Variants in ARHGAP10 observed in about 807,000 individuals in gnomAD.
The protein encoded by ARHGAP10 is rho GTPase-activating protein 10.
Under a neutral mutation model 108.6 loss-of-function variants are expected in ARHGAP10, and 87 were observed. The observed-to-expected ratio is 0.80, with a 90% CI of 0.67 to 0.96. The LOEUF (loss-of-function observed/expected upper bound fraction) is 0.96, where lower values mean the gene tolerates loss of function less well. Among genes scored for constraint, ARHGAP10 ranks in the 40% least tolerant of loss-of-function variants. The probability of loss-of-function intolerance (pLI) is 0.00; values close to 1 mark genes in which losing one functional copy is unlikely to be tolerated. For synonymous variants in ARHGAP10, 347 were observed against 341.1 expected (o/e 1.02, Z -0.19); for missense variants, 939 against 954.5 (o/e 0.98, Z 0.21).
chr4:148,025,610 T>G (rs1459965973), intron 19 of ARHGAP10, among the ~76,000 whole-genome samples: 8 of 151,592 alleles, frequency 5.3e-5, no homozygotes, highest in Non-Finnish European at 2.9e-5. Flanking sequence ...AAAAGAAAAG[T>G]GAATACATTT....
intron 4 of ARHGAP10, among the ~76,000 whole-genome samples, chr4:147,856,064 A>G (rs1296377828): frequency 6.6e-6 from 1 of 152,194 alleles, no homozygotes; most frequent in African/African-American, 2.4e-5. Context: ...GGAGAATTTG[A>G]AATTAATGGA....
At chr4:148,071,386 C>G (rs1730169224) in intron 22 of ARHGAP10, among the ~76,000 whole-genome samples, 1 of 152,164 alleles carries the variant, frequency 6.6e-6, no homozygotes, top group Non-Finnish European at 1.5e-5. Flanking sequence ...GGGGCCAAGG[C>G]GAGTGGATCA....
At chr4:147,998,864 T>C (rs1404757005) in intron 18 of ARHGAP10, among the ~76,000 whole-genome samples, 1 of 152,260 alleles carries the variant, frequency 6.6e-6, no homozygotes, top group Non-Finnish European at 1.5e-5. Context: ...TGTTTAATTG[T>C]TGAAATGTTT....
chr4:147,800,903 G>A (rs758894582), intron 1 of ARHGAP10, among the ~76,000 whole-genome samples: 29 of 152,230 alleles, frequency 1.9e-4, no homozygotes, highest in Admixed American at 6.5e-4. Flanking sequence ...CCCACGCCTC[G>A]TGGGATTAAG....
chr4:147,839,138 A>ATCTGTCTGTCTGTCTGTCTG (rs1287362860), intron 3 of ARHGAP10, among the ~76,000 whole-genome samples: 1 of 128,104 alleles, frequency 7.8e-6, no homozygotes, highest in African/African-American at 2.9e-5. Context: ...CTATCTATCT[A>ATCTGTCTGTCTGTCTGTCTG]TCTATCTGTC....
intron 19 of ARHGAP10, among the ~76,000 whole-genome samples, chr4:148,041,114 A>C (rs923244728): frequency 6.6e-5 from 10 of 152,228 alleles, no homozygotes; most frequent in African/African-American, 2.4e-4. Context: ...CTAATATATT[A>C]GATCTTTTCT....
intron 18 of ARHGAP10, among the ~76,000 whole-genome samples, chr4:148,000,570 C>T (rs1740674693): frequency 6.6e-6 from 1 of 152,184 alleles, no homozygotes; most frequent in Admixed American, 6.5e-5. Context: ...TATTTCTCCA[C>T]CTTCTCTGCA....
At chr4:147,737,217 C>T (rs1475463778) in intron 1 of ARHGAP10, among the ~76,000 whole-genome samples, 2 of 152,132 alleles carry the variant, frequency 1.3e-5, no homozygotes, top group Non-Finnish European at 2.9e-5. Flanking sequence ...GTGGTGCAAT[C>T]TTGGCTCAGG....
At chr4:147,906,785 G>A (rs2126910210) in intron 11 of ARHGAP10, 66 bp downstream of exon 11, 1 of 1,577,412 alleles carries the variant, frequency 6.3e-7, no homozygotes, top group Non-Finnish European at 8.7e-7. Context: ...TCATTTTTAT[G>A]TTATTTTTGT....
intron 18 of ARHGAP10, among the ~76,000 whole-genome samples, chr4:147,990,949 G>A (rs1039553207): frequency 6.6e-6 from 1 of 152,008 alleles, no homozygotes; most frequent in Non-Finnish European, 1.5e-5. Context: ...CCAGGAGGTC[G>A]AGGCTGCAGT....
chr4:147,986,633 A>G (rs1267366233), intron 18 of ARHGAP10, among the ~76,000 whole-genome samples: 1 of 152,170 alleles, frequency 6.6e-6, no homozygotes, highest in East Asian at 1.9e-4. Context: ...AGACAGTGTC[A>G]GGCCTCTCTG....
At chr4:147,839,042 T>G (rs566129476) in intron 3 of ARHGAP10, among the ~76,000 whole-genome samples, 2 of 152,308 alleles carry the variant, frequency 1.3e-5, no homozygotes, top group African/African-American at 2.4e-5. Context: ...GTTCTTTTTT[T>G]TCCTAACAGA....
At chr4:147,737,674 G>A (rs1029364751) in intron 1 of ARHGAP10, among the ~76,000 whole-genome samples, 4 of 152,218 alleles carry the variant, frequency 2.6e-5, no homozygotes, top group African/African-American at 9.7e-5. Flanking sequence ...CCTGGGATAA[G>A]TCCAACTGTC....
intron 1 of ARHGAP10, among the ~76,000 whole-genome samples, chr4:147,752,984 C>T (rs965438209): frequency 6.6e-6 from 1 of 152,106 alleles, no homozygotes. Context: ...TGTATTTAAT[C>T]TGAAGTAAAT....
At chr4:147,990,521 G>A (rs958776161) in intron 18 of ARHGAP10, among the ~76,000 whole-genome samples, 5 of 152,288 alleles carry the variant, frequency 3.3e-5, no homozygotes, top group Non-Finnish European at 5.9e-5. Flanking sequence ...CCAAATAGGA[G>A]TCTTTCGATG....
intron 13 of ARHGAP10, among the ~76,000 whole-genome samples, chr4:147,934,091 A>G (rs1222468650): frequency 6.6e-6 from 1 of 152,370 alleles, no homozygotes; most frequent in Admixed American, 6.5e-5. Context: ...CCACAGGGCA[A>G]GTCTCAGGTT....
At chr4:147,919,651 C>T (rs1355052585) in intron 13 of ARHGAP10, among the ~76,000 whole-genome samples, 1 of 152,034 alleles carries the variant, frequency 6.6e-6, no homozygotes, top group Non-Finnish European at 1.5e-5. Flanking sequence ...TGGCTCAGTG[C>T]AGCCTCCGTC....
intron 18 of ARHGAP10, among the ~76,000 whole-genome samples, chr4:147,975,786 T>C (rs1739569921): frequency 6.6e-6 from 1 of 152,204 alleles, no homozygotes; most frequent in African/African-American, 2.4e-5. Flanking sequence ...ACATATGAAC[T>C]CTGAGGGATG....
At chr4:147,771,866 A>C (rs1730096705) in intron 1 of ARHGAP10, among the ~76,000 whole-genome samples, 1 of 152,060 alleles carries the variant, frequency 6.6e-6, no homozygotes, top group Non-Finnish European at 1.5e-5. Flanking sequence ...ATCTCGGCTC[A>C]CTGCAACCTC....
Sources: allele counts gnomAD v4.1 joint callset (sites outside exome capture counted in the v4.1 genomes callset), GRCh38; gene constraint gnomAD v4.1.1; transcripts MANE v1.5; gene names NCBI Gene and HGNC (gene_info 2026-07-23, HGNC 2026-07-21).